Variants in RPL13 observed in about 807,000 individuals in gnomAD.
RPL13 encodes the protein ribosomal protein L13.
RPL13 carries 1 observed loss-of-function variant against 21.4 expected under a neutral mutation model. The ratio of observed to expected loss-of-function variants is 0.05; its 90% CI spans 0.02 to 0.22. The LOEUF (loss-of-function observed/expected upper bound fraction) is 0.22. Among genes scored for constraint, RPL13 ranks in the 10% least tolerant of loss-of-function variants. RPL13 has a pLI of 1.00. For missense variants in RPL13, 289 were observed against 303.0 expected, an observed-to-expected ratio of 0.95 and a Z score of 0.34; for synonymous variants, 143 against 120.5, an observed-to-expected ratio of 1.19 and a Z score of -1.23.
At chr16:89,564,831 C>T (rs185466988), downstream of RPL13, 7 of 153,158 alleles carry the variant, frequency 4.6e-5, no homozygotes, top group East Asian at 9.6e-4. Flanking sequence ...CCACACCGCA[C>T]TAGGGGAAGG....
chr16:89,561,787 G>A, intron 4 of RPL13, 36 bp downstream of exon 4: 1 of 1,600,300 alleles, frequency 6.2e-7, no homozygotes, highest in Non-Finnish European at 8.5e-7. Context: ...CTGGTGCGCG[G>A]GGACAGTGAG....
At chr16:89,562,721 T>C (rs998104815) in intron 5 of RPL13, 163 bp from the exon 6 acceptor site, 2 of 678,676 alleles carry the variant, frequency 2.9e-6, no homozygotes, top group African/African-American at 3.8e-5. Flanking sequence ...TTTTTTTTTT[T>C]AAATCCCAGG....
chr16:89,563,338 CTGG>C lies in RPL13; in HGVS notation c.*299_*301del, dbSNP rs201427329. The C allele has an allele frequency of 6.5e-5, 13 of 200,130 alleles. No homozygotes were observed. The East Asian group carries it at 1.5e-3, about 23-fold the overall frequency. 12.4% of individuals were successfully genotyped at this position (200,130 alleles called of 1,614,324 possible). ...TTCTTTTTAAAGAGGCAAGGTTGGGCTGGTGCTCACAGCTGTAATCCCAGCACT... is the reference window on the plus strand; with the variant it reads ...TTCTTTTTAAAGAGGCAAGGTTGGGCTGCTCACAGCTGTAATCCCAGCACT... On this transcript the variant is annotated 3_prime_UTR_variant, in exon 6 of 6. Coordinates refer to ENST00000311528, the MANE Select transcript of RPL13 (RefSeq NM_000977.4).
chr16:89,561,860 A>G (rs2058747595), intron 4 of RPL13, 109 bp downstream of exon 4: 21 of 1,165,612 alleles, frequency 1.8e-5, no homozygotes, highest in South Asian at 1.8e-4. Flanking sequence ...GAACCAAAAC[A>G]TTGTGGGTGA....
At position 89,563,937 on chromosome 16, in the gene RPL13, A is replaced by G. The variant is rs2058764271; in HGVS notation, c.*895A>G. On this transcript the variant is annotated 3_prime_UTR_variant, in exon 6 of 6. Coordinates refer to ENST00000311528, the MANE Select transcript of RPL13 (RefSeq NM_000977.4). ...TGTTAAACAAAAACATTCTAAAGCC[A>G]TTGTTCTTGCTTCATGGACAAGAGG... 1 of 152,204 alleles carries G rather than the reference A, an allele frequency of 6.6e-6. No homozygotes were observed. The highest frequency in any genetic ancestry group is 2.4e-5 in the African/African-American group (1 of 41,448). 9.4% of individuals were successfully genotyped at this position (152,204 alleles called of 1,614,324 possible).
At chr16:89,565,149 T>G (rs1372245770), downstream of RPL13, 2 of 152,336 alleles carry the variant, frequency 1.3e-5, no homozygotes, top group African/African-American at 4.8e-5. Context: ...GTTTGCTTAA[T>G]CTATTAAGAG....
At chr16:89,560,918 C>T (rs1373224901) in intron 1 of RPL13, 22 bp from the exon 2 acceptor site, 39 of 1,552,458 alleles carry the variant, frequency 2.5e-5, no homozygotes, top group Non-Finnish European at 3.4e-5. Context: ...CGGCCTCTCA[C>T]TCGCTCCCCT....
intron 5 of RPL13, chr16:89,562,599 T>C (rs532909347): frequency 8.4e-6 from 5 of 591,722 alleles, no homozygotes; most frequent in African/African-American, 3.9e-5. Context: ...TTGTTTGTTT[T>C]GTGTTTTTTT....
Position 89,561,351 on chromosome 16 carries a change from A to T in RPL13, c.229A>T (p.Ser77Cys). 6 of 1,605,742 alleles carry T rather than the reference A, an allele frequency of 3.7e-6. No homozygotes were observed. The highest frequency in any genetic ancestry group is 5.1e-6 in the Non-Finnish European group (6 of 1,179,304). Reference protein sequence around the residue: ...HTKVRAGRGFSLEELRVAGIH... With the variant: ...HTKVRAGRGFCLEELRVAGIH... ...GAAGGTGCGCGCCGGCCGCGGCTTC[A>T]GCCTGGAGGAGCTCAGGGTGAGTAC... The change falls in exon 3 of 6, where the codon AGC (serine) becomes TGC (cysteine). Residue 77 changes from serine (S) to cysteine (C), a missense_variant. Physicochemically the swap from Ser to Cys is moderately radical, Grantham distance 112. Transcript: ENST00000311528.
At chr16:89,561,873 A>AGCTAAGC (rs1457352286) in intron 4 of RPL13, 122 bp downstream of exon 4, 1 of 1,087,846 alleles carries the variant, frequency 9.2e-7, no homozygotes, top group African/African-American at 1.6e-5. Flanking sequence ...GTGGGTGATG[A>AGCTAAGC]GCTAAGCGGG....
In RPL13 at chr16:89,562,130, G is replaced by GT. The variant is rs977258687; in HGVS notation, c.421-204dup. On this transcript the variant is annotated intron_variant, in intron 4 of 5. Transcript: ENST00000311528. ...TGGTTCACAGGTAGATAACTGTCTCGTGCGTGTTGCGTCAACTCAGTAAGA... is the reference window on the plus strand; with the variant it reads ...TGGTTCACAGGTAGATAACTGTCTCGTTGCGTGTTGCGTCAACTCAGTAAGA... 1.3e-4 allele frequency: 83 copies of GT among 618,208 alleles called. No individual in the cohort carries two copies. The African/African-American group carries it at 1.4e-3, about 10-fold the overall frequency. 38.3% of individuals were successfully genotyped at this position (618,208 alleles called of 1,614,324 possible). A position where few individuals can be genotyped will look rare whatever the true frequency, so the allele number is the denominator to read the frequency against.
upstream of RPL13, chr16:89,560,679 T>C (rs1287381928): frequency 2.7e-6 from 1 of 370,500 alleles, no homozygotes; most frequent in Non-Finnish European, 4.9e-6. Flanking sequence ...GCGGGGCCGC[T>C]TCCTTTCCGC....
chr16:89,562,299 G>T (rs754698985), intron 4 of RPL13, 36 bp from the exon 5 acceptor site: 40 of 1,610,244 alleles, frequency 2.5e-5, no homozygotes, highest in Non-Finnish European at 3.1e-5. Context: ...GCAGCAGTGC[G>T]GCCAACCCCA....
chr16:89,561,496 C>T (rs1427870399), intron 3 of RPL13, 82 bp from the exon 4 acceptor site: 3 of 1,612,210 alleles, frequency 1.9e-6, no homozygotes, highest in Non-Finnish European at 2.5e-6. Flanking sequence ...CCTTTTCCAT[C>T]TGATTGCTGA....
In RPL13 at chr16:89,562,391, C is replaced by T. The variant is rs199902221; in HGVS notation, c.477C>T (p.Asn159=). Residue 159 remains asparagine (N), a splice_region_variant and synonymous_variant, in exon 5 of 6, where the codon AAC becomes AAT. Transcript: ENST00000311528. ...QLTGPVMPVR[N]VYKKEKARVI... ...CCGGACCGGTCATGCCCGTCCGGAA[C>T]GTAAGTGAACACTTACTCAAATCCA... 9.7e-5 allele frequency: 157 copies of T among 1,610,626 alleles called. 1 individual carries two copies. Among genetic ancestry groups the T allele is most frequent in the South Asian group, 2.0e-4 (18 of 90,356 alleles).
chr16:89,560,714 T>G lies in RPL13; in HGVS notation c.-21+2T>G. On this transcript the variant is annotated splice_donor_variant, in intron 1 of 5. Transcript: ENST00000311528. LOFTEE classifies it low-confidence loss of function (5UTR_SPLICE). ...CTCGGCTGTTTTCCTGCGCAGGAGG[T>G]GAGGGAGACTGGGTCCTGGCCTTTG... 2.3e-6 allele frequency: 1 copy of G among 443,474 alleles called. No individual in the cohort carries two copies. The highest frequency in any genetic ancestry group is 4.0e-6 in the Non-Finnish European group (1 of 250,932). The allele number at this position is 443,474 out of a possible 1,614,324, so 27.5% of individuals were successfully genotyped here.
downstream of RPL13, chr16:89,564,617 A>T (rs2058770220): frequency 6.6e-6 from 1 of 152,266 alleles, no homozygotes; most frequent in Non-Finnish European, 1.5e-5. Context: ...GAGCTGCACC[A>T]CTGTGCTCCA....
rs2058768501 is a variant in RPL13 at position 89,564,445 on chromosome 16, C to CA, written c.*1404dup. On this transcript the variant is annotated 3_prime_UTR_variant, in exon 6 of 6. Transcript: ENST00000311528. ...TTAAGGTGGGCCGGGTGCAGTGGCT[C>CA]ACGCCTGTAATCCTAACACTGGGAG... The CA allele has an allele frequency of 6.6e-6, 1 of 152,232 alleles. No homozygotes were observed. The highest frequency in any genetic ancestry group is 2.4e-5 in the African/African-American group (1 of 41,438). The allele number at this position is 152,232 out of a possible 1,614,324, so 9.4% of individuals were successfully genotyped here. A position where few individuals can be genotyped will look rare whatever the true frequency, so the allele number is the denominator to read the frequency against.
At chr16:89,562,783 T>C in intron 5 of RPL13, 101 bp from the exon 6 acceptor site, 2 of 1,278,728 alleles carry the variant, frequency 1.6e-6, no homozygotes, top group South Asian at 3.5e-5. Flanking sequence ...GCAGCGAACC[T>C]GACCCCCAAT....
Sources: allele counts gnomAD v4.1 joint callset, GRCh38; gene constraint gnomAD v4.1.1; transcripts MANE v1.5; gene names NCBI Gene and HGNC (gene_info 2026-07-23, HGNC 2026-07-21).